The following MAMLD1 variants were observed in gnomAD, a reference collection of about 807,000 sequenced individuals.
The protein encoded by MAMLD1 is mastermind like domain containing 1.
A neutral mutation model predicts 45.0 loss-of-function variants in MAMLD1; 14 were observed. That is an observed-to-expected ratio of 0.31 (90% CI 0.21 to 0.49). The LOEUF (loss-of-function observed/expected upper bound fraction) is 0.49, where lower values mean the gene tolerates loss of function less well. Among genes scored for constraint, MAMLD1 ranks in the 20% least tolerant of loss-of-function variants. The pLI is 0.99. For missense variants in MAMLD1, 543 were observed against 603.6 expected (o/e 0.90, Z 1.05); for synonymous variants, 254 against 247.8 (o/e 1.02, Z -0.24).
chrX:150,394,457 T>G (rs1182131542), intron 1 of MAMLD1, among the ~76,000 whole-genome samples: 1 of 110,994 alleles, frequency 9.0e-6, no homozygotes, highest in African/African-American at 3.3e-5. Flanking sequence ...AACTTTAAAA[T>G]AAGTTTGTTG....
chrX:150,444,998 C>T (rs1557404721), intron 1 of MAMLD1, among the ~76,000 whole-genome samples: 2 of 111,895 alleles, frequency 1.8e-5, no homozygotes, highest in African/African-American at 3.3e-5. Context: ...ATAAGGCTTA[C>T]TCTAGTAGAG....
At chrX:150,390,810 CT>C (rs1316093415) in intron 1 of MAMLD1, among the ~76,000 whole-genome samples, 4 of 112,267 alleles carry the variant, frequency 3.6e-5, no homozygotes, top group Non-Finnish European at 7.5e-5. Context: ...CATTTCCTGT[CT>C]GTTTGAGAAC....
At chrX:150,500,508 C>T (rs144309284) in intron 5 of MAMLD1, among the ~76,000 whole-genome samples, 14 of 111,271 alleles carry the variant, frequency 1.3e-4, no homozygotes, top group Middle Eastern at 4.6e-3. Context: ...TCATGAGAAG[C>T]CCAGGGTCCA....
intron 2 of MAMLD1, among the ~76,000 whole-genome samples, chrX:150,461,801 T>C (rs1303914391): frequency 1.8e-5 from 2 of 112,198 alleles, no homozygotes; most frequent in Admixed American, 1.9e-4. Context: ...CATGTTACCA[T>C]CTGCCCCTCC....
intron 5 of MAMLD1, among the ~76,000 whole-genome samples, chrX:150,501,310 T>C (rs1177358767): frequency 1.8e-5 from 2 of 112,331 alleles, no homozygotes; most frequent in African/African-American, 6.5e-5. Context: ...TCTTCAAAAC[T>C]CCAGTGTGGC....
chrX:150,377,819 T>TCACACACACA (rs3066915), intron 1 of MAMLD1, among the ~76,000 whole-genome samples: 944 of 91,822 alleles, frequency 0.01, 7 homozygotes, highest in African/African-American at 0.022. Flanking sequence ...TACCACCCCC[T>TCACACACACA]CACACACACA....
intron 1 of MAMLD1, among the ~76,000 whole-genome samples, chrX:150,365,005 G>A (rs1196426559): frequency 8.9e-6 from 1 of 112,177 alleles, no homozygotes; most frequent in Non-Finnish European, 1.9e-5. Flanking sequence ...GCACCCGCCG[G>A]GGCTTCCCGG....
At chrX:150,385,291 C>T (rs1222070861) in intron 1 of MAMLD1, among the ~76,000 whole-genome samples, 1 of 109,134 alleles carries the variant, frequency 9.2e-6, no homozygotes, top group Non-Finnish European at 1.9e-5. Flanking sequence ...CACACACACA[C>T]ACACACACAC....
intron 1 of MAMLD1, among the ~76,000 whole-genome samples, chrX:150,431,118 A>G (rs1191724289): frequency 3.6e-5 from 4 of 111,989 alleles, no homozygotes; most frequent in African/African-American, 1.3e-4. Context: ...TTCTTTCATC[A>G]GTGTTGTGTA....
chrX:150,503,292 T>C lies in MAMLD1; in HGVS notation c.2059T>C (p.Cys687Arg). 2 of 1,211,824 alleles carry C rather than the reference T, an allele frequency of 1.7e-6. No homozygotes were observed. Among genetic ancestry groups the C allele is most frequent in the Non-Finnish European group, 2.2e-6 (2 of 895,225 alleles). Residue 687 changes from cysteine (C) to arginine (R), a missense_variant, in exon 6 of 8, where the codon TGC (cysteine) becomes CGC (arginine). Coordinates refer to ENST00000370401, the MANE Select transcript of MAMLD1 (RefSeq NM_005491.5). The stretch of plus-strand genomic sequence containing the variant: ...GTTGTAGACTCATGTAGACAAAGCC[T>C]GCAAGCTTGGGGAAGCCAGGCACCC... Reference protein sequence around the residue: ...PSNITHVDKACKLGEARHPQV... With the variant: ...PSNITHVDKARKLGEARHPQV...
At chrX:150,446,597 A>T (rs1354579603) in intron 2 of MAMLD1, among the ~76,000 whole-genome samples, 1 of 112,581 alleles carries the variant, frequency 8.9e-6, no homozygotes, top group Non-Finnish European at 1.9e-5. Context: ...CCAACAATGT[A>T]TTGAGAATGT....
At chrX:150,388,492 T>G (rs782810034) in intron 1 of MAMLD1, among the ~76,000 whole-genome samples, 1 of 112,214 alleles carries the variant, frequency 8.9e-6, no homozygotes, top group South Asian at 3.7e-4. Flanking sequence ...TGGAGATTTT[T>G]GGAGGGAGTT....
chrX:150,484,082 T>C (rs1326778853), intron 5 of MAMLD1, among the ~76,000 whole-genome samples: 6 of 112,047 alleles, frequency 5.4e-5, no homozygotes, highest in Non-Finnish European at 3.8e-5. Flanking sequence ...AAAGTGAACG[T>C]TTTTGGAAGG....
chrX:150,387,229 A>G (rs1310061728), intron 1 of MAMLD1, among the ~76,000 whole-genome samples: 1 of 111,284 alleles, frequency 9.0e-6, no homozygotes, highest in Non-Finnish European at 1.9e-5. Context: ...TTTTGACAAA[A>G]CTGAATAATC....
At chrX:150,489,964 C>T (rs1008085105) in intron 5 of MAMLD1, among the ~76,000 whole-genome samples, 1 of 111,258 alleles carries the variant, frequency 9.0e-6, no homozygotes, top group Admixed American at 9.5e-5. Context: ...TTCAACCAGG[C>T]CAATAGAGAG....
chrX:150,395,739 TTTTATTATG>T (rs1200058432), intron 1 of MAMLD1, among the ~76,000 whole-genome samples: 4 of 110,963 alleles, frequency 3.6e-5, no homozygotes, highest in African/African-American at 1.3e-4. Flanking sequence ...CACAGTATTA[TTTTATTATG>T]CTTTGAATGT....
chrX:150,513,726 G>T lies in MAMLD1; in HGVS notation c.*1767G>T, dbSNP rs1043896698. On this transcript the variant is annotated 3_prime_UTR_variant, in exon 8 of 8. Coordinates refer to ENST00000370401, the MANE Select transcript of MAMLD1 (RefSeq NM_005491.5). ...GGAGAGTTCTCCAGATTTGGGAGAG[G>T]CGCAGAGACAGTGTGTGAGCCGAGC... 1 of 295,380 alleles carries T rather than the reference G, an allele frequency of 3.4e-6. No individual in the cohort carries two copies. The highest frequency in any genetic ancestry group is 5.9e-6 in the Non-Finnish European group (1 of 169,975). The allele number at this position is 295,380 out of a possible 1,213,427, so 24.3% of individuals were successfully genotyped here.
At chrX:150,468,622 T>C (rs1001871914) in intron 3 of MAMLD1, among the ~76,000 whole-genome samples, 16 of 110,996 alleles carry the variant, frequency 1.4e-4, no homozygotes, top group Non-Finnish European at 2.8e-4. Flanking sequence ...GATGACTGTA[T>C]GAAGCCATGA....
At chrX:150,362,384 C>T (rs1181658226), upstream of MAMLD1, among the ~76,000 whole-genome samples, 1 of 110,899 alleles carries the variant, frequency 9.0e-6, no homozygotes, top group Non-Finnish European at 1.9e-5. Context: ...TGTCATTCCT[C>T]TTGCAAGCTC....
Sources: gnomAD v4.1 joint callset for allele counts (sites outside exome capture counted in the v4.1 genomes callset) on GRCh38, gnomAD v4.1.1 for gene constraint, MANE v1.5 for transcripts, NCBI Gene and HGNC (gene_info 2026-07-23, HGNC 2026-07-21) for gene names.